The following LETM1 variants were observed in gnomAD, a reference collection of about 807,000 sequenced individuals.
The protein encoded by LETM1 is leucine zipper and EF-hand containing transmembrane protein 1.
Under a neutral mutation model 74.5 loss-of-function variants are expected in LETM1, and 50 were observed. The observed-to-expected ratio is 0.67, with a 90% CI of 0.53 to 0.85. The LOEUF (loss-of-function observed/expected upper bound fraction) is 0.85. LETM1 is among the 40% of genes least tolerant of loss of function. LETM1 has a pLI of 0.00. For missense variants in LETM1, 824 were observed against 967.8 expected, an observed-to-expected ratio of 0.85 and a Z score of 1.97; for synonymous variants, 446 against 407.1, an observed-to-expected ratio of 1.10 and a Z score of -1.15.
chr4:1,840,493 C>G (rs1175247118), intron 3 of LETM1, among the ~76,000 whole-genome samples: 2 of 151,930 alleles, frequency 1.3e-5, no homozygotes, highest in Non-Finnish European at 2.9e-5. Context: ...CGGTGAAACC[C>G]CGTCTCTACT....
chr4:1,815,979 T>C (rs764619954), intron 12 of LETM1, among the ~76,000 whole-genome samples, 177 bp from the exon 13 acceptor site: 1 of 152,192 alleles, frequency 6.6e-6, no homozygotes, highest in Non-Finnish European at 1.5e-5. Context: ...TGCCAAGAGC[T>C]CCCAGGGCCA....
At chr4:1,831,121 A>C (rs1712254776) in intron 6 of LETM1, among the ~76,000 whole-genome samples, 1 of 152,102 alleles carries the variant, frequency 6.6e-6, no homozygotes, top group Non-Finnish European at 1.5e-5. Flanking sequence ...CGTCCCCCCC[A>C]GCTTACTGCT....
chr4:1,853,984 T>C (rs917038694), intron 1 of LETM1, among the ~76,000 whole-genome samples: 4 of 152,196 alleles, frequency 2.6e-5, no homozygotes, highest in African/African-American at 9.7e-5. Context: ...ATTATTATTA[T>C]TATTTATCAA....
chr4:1,832,680 T>C, intron 6 of LETM1, 64 bp downstream of exon 6: 1 of 1,497,042 alleles, frequency 6.7e-7, no homozygotes, highest in Non-Finnish European at 9.3e-7. Context: ...ACATGCTGCT[T>C]TTATCATCAG....
At chr4:1,826,017 G>A (rs184292143) in intron 6 of LETM1, among the ~76,000 whole-genome samples, 27 of 152,286 alleles carry the variant, frequency 1.8e-4, no homozygotes, top group African/African-American at 6.3e-4. Flanking sequence ...GTGTGCCCAG[G>A]ATGGAAAAGA....
chr4:1,819,502 C>G, intron 10 of LETM1, 30 bp from the exon 11 acceptor site: 2 of 1,600,924 alleles, frequency 1.2e-6, no homozygotes, highest in Non-Finnish European at 1.7e-6. Flanking sequence ...ACAACAAAGC[C>G]TGAGCCAAGG....
intron 2 of LETM1, among the ~76,000 whole-genome samples, chr4:1,844,106 C>T (rs539743901): frequency 3.3e-5 from 5 of 152,264 alleles, no homozygotes; most frequent in Admixed American, 2.6e-4. Flanking sequence ...GACGAAGACT[C>T]GGAAAAACAG....
Position 1,814,495 on chromosome 4 carries a change from C to G in LETM1, c.2149G>C (p.Glu717Gln), listed in dbSNP as rs1722552870. The change falls in exon 14 of 14, where the codon GAG becomes CAG. Residue 717 changes from glutamate (E) to glutamine (Q), a missense_variant. Physicochemically the swap from Glu to Gln is conservative, Grantham distance 29. Coordinates refer to ENST00000302787, the MANE Select transcript of LETM1 (RefSeq NM_012318.3). ...TTCTCCTTCTCCTCCACCTTCTCCT[C>G]TTTTTCCAGTGTTGCTACAATCTCA... ...VAEIVATLEKEEKVEEKEKAK... is the reference protein window; with the variant it reads ...VAEIVATLEKQEKVEEKEKAK... 1 of 1,614,016 alleles carries G rather than the reference C, an allele frequency of 6.2e-7. No individual in the cohort carries two copies. The highest frequency in any genetic ancestry group is 8.5e-7 in the Non-Finnish European group (1 of 1,179,966).
chr4:1,820,528 C>T (rs1395171230), intron 10 of LETM1, among the ~76,000 whole-genome samples: 1 of 152,210 alleles, frequency 6.6e-6, no homozygotes, highest in Non-Finnish European at 1.5e-5. Flanking sequence ...CAGACAACCT[C>T]ATCAGCGTCT....
At chr4:1,838,373 C>T (rs540418889) in intron 3 of LETM1, among the ~76,000 whole-genome samples, 1 of 151,858 alleles carries the variant, frequency 6.6e-6, no homozygotes, top group African/African-American at 2.4e-5. Context: ...TCTGGGATTA[C>T]AGGTGTGAGC....
In LETM1 at chr4:1,834,734, C is replaced by A. The variant is rs998776887; in HGVS notation, c.876+111G>T. The A allele has an allele frequency of 9.2e-6, 14 of 1,528,166 alleles. 1 individual carries two copies. The Middle Eastern group carries it at 1.2e-3, about 134-fold the overall frequency. The allele number at this position is 1,528,166 out of a possible 1,614,324, so 94.7% of individuals were successfully genotyped here. A position where few individuals can be genotyped will look rare whatever the true frequency, so the allele number is the denominator to read the frequency against. On this transcript the variant is annotated intron_variant, in intron 5 of 13. Coordinates refer to ENST00000302787, the MANE Select transcript of LETM1 (RefSeq NM_012318.3). The surrounding 1 kb of genome is among the most constrained non-coding windows in gnomAD (Gnocchi z 5.0). Reference sequence around the variant, plus strand: ...TGAGCCTCCTGGGTAAACTTTCAAGCGCCAGCCAGCACCTGGGGGAGCTCC... The same window carrying A: ...TGAGCCTCCTGGGTAAACTTTCAAGAGCCAGCCAGCACCTGGGGGAGCTCC...
At chr4:1,815,848 A>G in intron 12 of LETM1, 46 bp from the exon 13 acceptor site, 1 of 1,605,210 alleles carries the variant, frequency 6.2e-7, no homozygotes, top group Non-Finnish European at 8.5e-7. Flanking sequence ...GCGTCCTGCC[A>G]CACAGGGCCT....
At chr4:1,818,821 C>T (rs1275363595) in intron 11 of LETM1, among the ~76,000 whole-genome samples, 1 of 151,402 alleles carries the variant, frequency 6.6e-6, no homozygotes, top group Non-Finnish European at 1.5e-5. Context: ...GGTGGCCACG[C>T]CTGTAATCCC....
rs199504881 is a variant in LETM1 at position 1,849,223 on chromosome 4, A to AG, written c.83-15dup. ...CCCCTGGACTACCTGTAACAGGAAC[A>AG]GGGGAAAATAAATGAGTAGTAAATC... On this transcript the variant is annotated splice_polypyrimidine_tract_variant and intron_variant, in intron 1 of 13. Transcript: ENST00000302787. 1,440 of 1,596,634 alleles carry AG rather than the reference A, an allele frequency of 9.0e-4. 8 individuals carry two copies. In the African/African-American group the frequency reaches 0.018, roughly 20 times the overall value.
intron 12 of LETM1, among the ~76,000 whole-genome samples, chr4:1,816,526 G>A (rs898262126): frequency 6.6e-6 from 1 of 152,186 alleles, no homozygotes; most frequent in African/African-American, 2.4e-5. Context: ...GGCCAGGAAG[G>A]GACGAACTGC....
intron 10 of LETM1, among the ~76,000 whole-genome samples, chr4:1,821,123 AT>A (rs572170622): frequency 0.015 from 2,054 of 140,992 alleles, 11 homozygotes; most frequent in Non-Finnish European, 0.018. Flanking sequence ...AAAAAGTGAA[AT>A]TTTTTTTTTT....
At position 1,841,551 on chromosome 4, in the gene LETM1, C is replaced by T; in HGVS notation, c.390G>A (p.Lys130=). 2 of 1,614,240 alleles carry T rather than the reference C, an allele frequency of 1.2e-6. No individual in the cohort carries two copies. The highest frequency in any genetic ancestry group is 1.7e-6 in the Non-Finnish European group (2 of 1,180,052). ...VEKSLKSLKD[K]NKKLEEGGPV... ...GGCCGCCTTCCTCCAGCTTCTTGTT[C>T]TTGTCCTTCAAGGACTTGAGGGACT... The change falls in exon 3 of 14, where the codon AAG becomes AAA. Residue 130 remains lysine (K), a synonymous_variant. Coordinates refer to ENST00000302787, the MANE Select transcript of LETM1 (RefSeq NM_012318.3).
intron 9 of LETM1, 28 bp from the exon 10 acceptor site, chr4:1,822,340 C>G (rs377099739): frequency 2.1e-6 from 3 of 1,444,964 alleles, no homozygotes. Context: ...ACCAGCCCAG[C>G]GCCCGCCATC....
chr4:1,834,950 C>T lies in LETM1; in HGVS notation c.771G>A (p.Lys257=). 1.2e-6 allele frequency: 2 copies of T among 1,614,138 alleles called. No homozygotes were observed. Among genetic ancestry groups the T allele is most frequent in the South Asian group, 1.1e-5 (1 of 91,086 alleles). Residue 257 remains lysine (K), a synonymous_variant, in exon 5 of 14, where the codon AAG becomes AAA. Transcript: ENST00000302787. The surrounding 1 kb of genome is among the most constrained non-coding windows in gnomAD (Gnocchi z 5.0). ...EERLKKELRV[K]LELAKFLQDT... ...CCTGGAGGAACTTGGCCAGCTCCAG[C>T]TTGACCCGAAGCTCCTTCTTCAGCC...
Sources: gnomAD v4.1 joint callset for allele counts (sites outside exome capture counted in the v4.1 genomes callset) on GRCh38, gnomAD v4.1.1 for gene constraint, Gnocchi (gnomAD v3.1) non-coding constraint, MANE v1.5 for transcripts, NCBI Gene and HGNC (gene_info 2026-07-23, HGNC 2026-07-21) for gene names.